Variants in TBCK observed in about 807,000 individuals in gnomAD.
The protein encoded by TBCK is TBC1 domain containing kinase.
Under a neutral mutation model 113.4 loss-of-function variants are expected in TBCK, and 99 were observed. The observed-to-expected ratio is 0.87, with a 90% CI of 0.74 to 1.03. TBCK has a LOEUF of 1.03. Among genes scored for constraint, TBCK ranks in the 50% least tolerant of loss-of-function variants. The pLI, the probability that TBCK is intolerant of heterozygous loss-of-function variation, is 0.00. For synonymous variants in TBCK, 369 were observed against 370.8 expected, an observed-to-expected ratio of 1.00 and a Z score of 0.05; for missense variants, 1,045 against 1,061.3, an observed-to-expected ratio of 0.98 and a Z score of 0.21.
chr4:106,289,065 G>T (rs1765407254), intron 3 of TBCK, among the ~76,000 whole-genome samples: 1 of 152,156 alleles, frequency 6.6e-6, no homozygotes, highest in Non-Finnish European at 1.5e-5. Flanking sequence ...TATGGATAAA[G>T]AATTATCAAT....
Position 106,171,352 on chromosome 4 carries a change from GAATATATCTA to G in TBCK, c.2060-92_2060-83del, listed in dbSNP as rs1300026833. On this transcript the variant is annotated intron_variant, in intron 22 of 25. Transcript: ENST00000394708. The stretch of plus-strand genomic sequence containing the variant: ...GTAATAAACACCATCTCTCCTAAGT[GAATATATCTA>G]AATATGGCTAAGATGATAAGTTATT... The G allele has an allele frequency of 9.8e-6, 10 of 1,020,680 alleles. No homozygotes were observed. In the African/African-American group the frequency reaches 1.5e-4, roughly 15 times the overall value. The allele number at this position is 1,020,680 out of a possible 1,614,324, so 63.2% of individuals were successfully genotyped here.
At chr4:106,281,779 G>A (rs909497021) in intron 3 of TBCK, among the ~76,000 whole-genome samples, 1 of 152,042 alleles carries the variant, frequency 6.6e-6, no homozygotes, top group Non-Finnish European at 1.5e-5. Context: ...TGATCATGAC[G>A]AATGATCTTT....
At chr4:106,267,273 A>G (rs1763075170) in intron 3 of TBCK, among the ~76,000 whole-genome samples, 1 of 151,952 alleles carries the variant, frequency 6.6e-6, no homozygotes, top group Non-Finnish European at 1.5e-5. Context: ...ACCAAAAGGT[A>G]GCTTTCAAAA....
chr4:106,130,515 G>A (rs1411960905), intron 23 of TBCK, among the ~76,000 whole-genome samples: 2 of 150,350 alleles, frequency 1.3e-5, no homozygotes, highest in Non-Finnish European at 3.0e-5. Flanking sequence ...ATTATTAAGG[G>A]GATATTATAT....
At chr4:106,066,802 T>C (rs969095218) in intron 25 of TBCK, among the ~76,000 whole-genome samples, 3 of 152,120 alleles carry the variant, frequency 2.0e-5, no homozygotes, top group Non-Finnish European at 4.4e-5. Context: ...ATGTGGATTA[T>C]ACTTAGCATA....
At chr4:106,116,065 T>A in intron 24 of TBCK, 138 bp downstream of exon 24, 1 of 726,850 alleles carries the variant, frequency 1.4e-6, no homozygotes, top group Non-Finnish European at 2.2e-6. Flanking sequence ...CATTCTGGCA[T>A]CCAGTTTGAG....
rs138227499 is a variant in TBCK at position 106,283,757 on chromosome 4, G to A, written c.266+11337C>T. ...CTAATAAGATGCCTTTTCCTCTGGG[G>A]GAAAAAAAAAAAGAAATGGAGAACC... On this transcript the variant is annotated intron_variant, in intron 3 of 25. Coordinates refer to ENST00000394708, the MANE Select transcript of TBCK (RefSeq NM_001163435.3). 3.3e-5 allele frequency among the ~76,000 whole-genome samples: 5 copies of A among 150,954 alleles called. No individual in the cohort carries two copies. In the East Asian group the frequency reaches 9.7e-4, roughly 29 times the overall value.
intron 23 of TBCK, among the ~76,000 whole-genome samples, chr4:106,147,294 T>C (rs1034792442): frequency 6.6e-6 from 1 of 152,218 alleles, no homozygotes; most frequent in Non-Finnish European, 1.5e-5. Context: ...CAATTTACTT[T>C]GCCCAGATTG....
chr4:106,269,635 C>A (rs1051898004), intron 3 of TBCK, among the ~76,000 whole-genome samples: 8 of 152,078 alleles, frequency 5.3e-5, no homozygotes, highest in Non-Finnish European at 1.2e-4. Context: ...TGATAAACTG[C>A]TACCTAAAGA....
At chr4:106,197,894 T>G (rs981735956) in intron 20 of TBCK, among the ~76,000 whole-genome samples, 1 of 152,170 alleles carries the variant, frequency 6.6e-6, no homozygotes, top group Non-Finnish European at 1.5e-5. Flanking sequence ...CATACTGAAC[T>G]AATCTTGTTT....
chr4:106,246,403 C>A (rs1270558439), intron 10 of TBCK, among the ~76,000 whole-genome samples: 4 of 152,016 alleles, frequency 2.6e-5, no homozygotes, highest in African/African-American at 9.7e-5. Context: ...TTCCAAGAGT[C>A]GTAATCTTCA....
chr4:106,193,793 A>G, intron 21 of TBCK, 23 bp from the exon 22 acceptor site: 1 of 1,464,022 alleles, frequency 6.8e-7, no homozygotes, highest in Middle Eastern at 1.8e-4. Context: ...AAAAATACAA[A>G]TAAATTAAAA....
intron 23 of TBCK, among the ~76,000 whole-genome samples, chr4:106,131,624 T>C (rs1745942988): frequency 6.6e-6 from 1 of 151,862 alleles, no homozygotes; most frequent in African/African-American, 2.4e-5. Context: ...AAAAAATAAA[T>C]AAATAAAAAT....
At chr4:106,252,658 A>T (rs905109780) in intron 5 of TBCK, among the ~76,000 whole-genome samples, 2 of 152,106 alleles carry the variant, frequency 1.3e-5, no homozygotes, top group African/African-American at 4.8e-5. Flanking sequence ...TAATTTGATG[A>T]AACAAAAACA....
At position 106,116,102 on chromosome 4, in the gene TBCK, G is replaced by A. The variant is rs1304786958; in HGVS notation, c.2411+101C>T. On this transcript the variant is annotated intron_variant, in intron 24 of 25. Transcript: ENST00000394708. ...GTAATTTAACTACTTGAATTCAGAA[G>A]AATCCCAGAATTTTTTTTTTTTAAC... 7.9e-6 allele frequency: 9 copies of A among 1,141,262 alleles called. No homozygotes were observed. In the African/African-American group the frequency reaches 1.4e-4, roughly 18 times the overall value. 70.7% of individuals were successfully genotyped at this position (1,141,262 alleles called of 1,614,324 possible). A position where few individuals can be genotyped will look rare whatever the true frequency, so the allele number is the denominator to read the frequency against.
At chr4:106,237,553 A>G (rs1208161258) in intron 12 of TBCK, 1 of 455,496 alleles carries the variant, frequency 2.2e-6, no homozygotes, top group Admixed American at 2.4e-5. Flanking sequence ...GGGGATTGAC[A>G]TAGAAATTCA....
At chr4:106,199,682 G>T (rs1754664910) in intron 20 of TBCK, among the ~76,000 whole-genome samples, 1 of 152,036 alleles carries the variant, frequency 6.6e-6, no homozygotes, top group East Asian at 1.9e-4. Context: ...CCTTTCAATT[G>T]CTCAGGTACT....
At chr4:106,084,106 A>C (rs964310368) in intron 25 of TBCK, among the ~76,000 whole-genome samples, 1 of 152,228 alleles carries the variant, frequency 6.6e-6, no homozygotes, top group African/African-American at 2.4e-5. Flanking sequence ...TGACAGAAGA[A>C]GGCTCCAGAA....
chr4:106,239,069 T>C (rs944904440), intron 12 of TBCK, among the ~76,000 whole-genome samples: 1 of 152,056 alleles, frequency 6.6e-6, no homozygotes, highest in Admixed American at 6.6e-5. Context: ...GCCAGAGTAC[T>C]CTGTTTTCCT....
Sources: gnomAD v4.1 joint callset for allele counts (sites outside exome capture counted in the v4.1 genomes callset) on GRCh38, gnomAD v4.1.1 for gene constraint, MANE v1.5 for transcripts, NCBI Gene and HGNC (gene_info 2026-07-23, HGNC 2026-07-21) for gene names.